C5orf46: variants seen among roughly 807,000 people sequenced by gnomAD.
The protein encoded by C5orf46 is uncharacterized protein C5orf46.
Under a neutral mutation model 8.9 loss-of-function variants are expected in C5orf46, and 9 were observed. The observed-to-expected ratio is 1.01, with a 90% CI of 0.61 to 1.76. C5orf46 has a LOEUF of 1.76. Ranked by LOEUF, C5orf46 falls within the 40% of genes most tolerant of loss-of-function variation. C5orf46 has a pLI of 0.00. For missense variants in C5orf46, 98 were observed against 107.8 expected (o/e 0.91, Z 0.40); for synonymous variants, 47 against 41.4 (o/e 1.14, Z -0.52).
intron 3 of C5orf46, among the ~76,000 whole-genome samples, chr5:147,895,011 C>T (rs186576273): frequency 9.2e-4 from 139 of 151,196 alleles, no homozygotes; most frequent in Non-Finnish European, 1.7e-3. Context: ...TGCAGTGAGC[C>T]GAGATGGCAC....
chr5:147,888,476 C>T (rs894799482), downstream of C5orf46, among the ~76,000 whole-genome samples: 8 of 152,276 alleles, frequency 5.3e-5, no homozygotes, highest in South Asian at 4.1e-4. Context: ...GCCACCTTGA[C>T]GTTTCTTCAT....
At chr5:147,886,993 A>G (rs1172474612) in intron 2 of C5orf46, 2 of 152,144 alleles carry the variant, frequency 1.3e-5, no homozygotes, top group Non-Finnish European at 2.9e-5. Flanking sequence ...TAGGGACCCA[A>G]GACAATGCCT....
At chr5:147,900,184 C>T (rs975210661) in intron 2 of C5orf46, among the ~76,000 whole-genome samples, 1 of 152,076 alleles carries the variant, frequency 6.6e-6, no homozygotes, top group African/African-American at 2.4e-5. Context: ...TATGACTTTC[C>T]TTCTTGTTTA....
At position 147,905,507 on chromosome 5, in the gene C5orf46, T is replaced by A. The variant is rs563082285; in HGVS notation, c.70+925A>T. On this transcript the variant is annotated intron_variant, in intron 1 of 3. Coordinates refer to ENST00000318315, the MANE Select transcript of C5orf46 (RefSeq NM_206966.3). ...TGTCTAGAGTAATTCTGTTGTAATGTCTGTCTGTGTGTTCTTCAGCCAAGT... is the reference window on the plus strand; with the variant it reads ...TGTCTAGAGTAATTCTGTTGTAATGACTGTCTGTGTGTTCTTCAGCCAAGT... Among the ~76,000 whole-genome samples, 54 of 152,342 alleles carry A rather than the reference T, an allele frequency of 3.5e-4. 1 individual carries two copies. The highest frequency in any genetic ancestry group is 1.2e-3 in the African/African-American group (51 of 41,582).
chr5:147,893,286 T>TC (rs1454352418), intron 3 of C5orf46, among the ~76,000 whole-genome samples: 1 of 149,896 alleles, frequency 6.7e-6, no homozygotes, highest in Non-Finnish European at 1.5e-5. Flanking sequence ...TAAATCTTTT[T>TC]TTTTTTTTTT....
intron 1 of C5orf46, among the ~76,000 whole-genome samples, chr5:147,905,919 C>G (rs1371788450): frequency 6.6e-6 from 1 of 152,192 alleles, no homozygotes; most frequent in Non-Finnish European, 1.5e-5. Flanking sequence ...TGCATGCTTA[C>G]TATCAACCAG....
chr5:147,900,144 A>G (rs562491505), intron 2 of C5orf46, among the ~76,000 whole-genome samples: 2 of 152,304 alleles, frequency 1.3e-5, no homozygotes, highest in Non-Finnish European at 2.9e-5. Context: ...TTTAGTTTGT[A>G]TGTAATGGGT....
downstream of C5orf46, chr5:147,892,676 T>C (rs1049531187): frequency 6.6e-6 from 1 of 152,306 alleles, no homozygotes; most frequent in East Asian, 1.9e-4. Context: ...ACTTTAAACA[T>C]GGCCAGAAAA....
chr5:147,904,252 T>C (rs1255052494), intron 1 of C5orf46, among the ~76,000 whole-genome samples: 1 of 152,214 alleles, frequency 6.6e-6, no homozygotes, highest in Non-Finnish European at 1.5e-5. Flanking sequence ...TTTCAGCACA[T>C]GCCTTAATCG....
Position 147,901,644 on chromosome 5 carries a change from G to T in C5orf46, c.200C>A (p.Ser67Tyr). 2 of 1,614,002 alleles carry T rather than the reference G, an allele frequency of 1.2e-6. No homozygotes were observed. The highest frequency in any genetic ancestry group is 1.7e-6 in the Non-Finnish European group (2 of 1,179,942). Reference sequence around the variant, plus strand: ...CAGTGCTTACGTGCTCCTGGACATGGAGCGGAGGATGAACTCGACTGCATT... The same window carrying T: ...CAGTGCTTACGTGCTCCTGGACATGTAGCGGAGGATGAACTCGACTGCATT... ...IENAVEFILR[S>Y]MSRSTGFMEF... Residue 67 changes from serine (S) to tyrosine (Y), a missense_variant, in exon 2 of 4, where the codon TCC becomes TAC. By Grantham distance (144) the Ser-to-Tyr change is moderately radical. Transcript: ENST00000318315.
chr5:147,905,239 GA>G (rs1757732683), intron 1 of C5orf46, among the ~76,000 whole-genome samples: 2 of 152,108 alleles, frequency 1.3e-5, no homozygotes, highest in African/African-American at 4.8e-5. Flanking sequence ...CAGTATTGCT[GA>G]TATTTGTAGA....
chr5:147,901,456 A>G lies in C5orf46; in HGVS notation c.215+173T>C, dbSNP rs1757667959. 1.3e-5 allele frequency: 7 copies of G among 557,722 alleles called. No homozygotes were observed. In the East Asian group the frequency reaches 2.2e-4, roughly 17 times the overall value. 34.5% of individuals were successfully genotyped at this position (557,722 alleles called of 1,614,324 possible). A position where few individuals can be genotyped will look rare whatever the true frequency, so the allele number is the denominator to read the frequency against. ...TCCTTTCCCCCAAAAAGCTCAGGGC[A>G]GTTGATTCAGATGCAAAATATATTT... On this transcript the variant is annotated intron_variant, in intron 2 of 3. Transcript: ENST00000318315.
At chr5:147,903,800 G>A (rs1398828501) in intron 1 of C5orf46, among the ~76,000 whole-genome samples, 1 of 152,014 alleles carries the variant, frequency 6.6e-6, no homozygotes, top group Non-Finnish European at 1.5e-5. Context: ...CAGGCTGAAG[G>A]GCAGTGAAGT....
chr5:147,891,802 CAG>C (rs1490848176), downstream of C5orf46, among the ~76,000 whole-genome samples: 2 of 152,230 alleles, frequency 1.3e-5, no homozygotes, highest in Middle Eastern at 3.4e-3. Context: ...CTAGAAAATG[CAG>C]AGTGTGAGTT....
chr5:147,902,825 A>C (rs1757691788), intron 1 of C5orf46, among the ~76,000 whole-genome samples: 1 of 152,216 alleles, frequency 6.6e-6, no homozygotes, highest in Non-Finnish European at 1.5e-5. Context: ...TCCCTTGCAT[A>C]TCACCTAGTA....
intron 3 of C5orf46, among the ~76,000 whole-genome samples, chr5:147,896,198 T>C (rs900252123): frequency 6.6e-6 from 1 of 152,186 alleles, no homozygotes; most frequent in Non-Finnish European, 1.5e-5. Context: ...GGCTTAGAGA[T>C]ACAGCACAGG....
At chr5:147,901,160 A>G (rs1757663241) in intron 2 of C5orf46, 1 of 152,730 alleles carries the variant, frequency 6.5e-6, no homozygotes, top group African/African-American at 2.4e-5. Flanking sequence ...ACTAACGAAC[A>G]TATCACTACC....
intron 2 of C5orf46, among the ~76,000 whole-genome samples, chr5:147,897,356 A>G (rs1460151169): frequency 6.6e-6 from 1 of 152,230 alleles, no homozygotes; most frequent in Admixed American, 6.5e-5. Context: ...GGCAAATAGT[A>G]GAAATTAATA....
At position 147,906,398 on chromosome 5, in the gene C5orf46, G is replaced by A. The variant is rs1406193348; in HGVS notation, c.70+34C>T. 3 of 1,489,500 alleles carry A rather than the reference G, an allele frequency of 2.0e-6. No homozygotes were observed. The Admixed American group carries it at 5.1e-5, about 25-fold the overall frequency. 92.3% of individuals were successfully genotyped at this position (1,489,500 alleles called of 1,614,324 possible). ...CTTTCTCTAGTCACTGCTAACTACTGAACAATTCATGGGCTGTGATCAGAA... is the reference window on the plus strand; with the variant it reads ...CTTTCTCTAGTCACTGCTAACTACTAAACAATTCATGGGCTGTGATCAGAA... On this transcript the variant is annotated intron_variant, in intron 1 of 3. Transcript: ENST00000318315.
Sources: allele counts gnomAD v4.1 joint callset (sites outside exome capture counted in the v4.1 genomes callset), GRCh38; gene constraint gnomAD v4.1.1; transcripts MANE v1.5; gene names NCBI Gene and HGNC (gene_info 2026-07-23, HGNC 2026-07-21).